The following TUSC3 variants were observed in gnomAD, a reference collection of about 807,000 sequenced individuals.
TUSC3 encodes tumor suppressor candidate 3.
In TUSC3, 45 loss-of-function variants were observed where a neutral mutation model predicts 44.8. The observed-to-expected ratio is 1.00, with a 90% CI of 0.79 to 1.29. The LOEUF (loss-of-function observed/expected upper bound fraction) is 1.29, where lower values mean the gene tolerates loss of function less well. Among genes scored for constraint, TUSC3 ranks in the 50% most tolerant of loss-of-function variants. The pLI, the probability that TUSC3 is intolerant of heterozygous loss-of-function variation, is 0.00. For missense variants in TUSC3, 519 were observed against 437.9 expected, an observed-to-expected ratio of 1.19 and a Z score of -1.65; for synonymous variants, 212 against 152.9, an observed-to-expected ratio of 1.39 and a Z score of -2.85.
intron 1 of TUSC3, among the ~76,000 whole-genome samples, chr8:15,549,262 C>G (rs1397061759): frequency 6.6e-6 from 1 of 151,738 alleles, no homozygotes; most frequent in Non-Finnish European, 1.5e-5. Context: ...CAACCCCTGC[C>G]TCCCGGATTC....
intron 9 of TUSC3, among the ~76,000 whole-genome samples, chr8:15,749,927 A>C (rs1379099934): frequency 6.7e-6 from 1 of 149,048 alleles, no homozygotes; most frequent in East Asian, 2.0e-4. Flanking sequence ...GTTTCAAAGG[A>C]AATGTTGTAT....
At chr8:15,561,945 A>T (rs144275379) in intron 1 of TUSC3, among the ~76,000 whole-genome samples, 4,112 of 152,280 alleles carry the variant, frequency 0.027, 172 homozygotes, top group African/African-American at 0.081. Flanking sequence ...TCAGATGGAA[A>T]TGCAGAAATC....
chr8:15,806,671 A>T, the TUSC3 span: 6 of 1,030,516 alleles, frequency 5.8e-6, no homozygotes, highest in East Asian at 1.4e-4. Context: ...GCCCAGTAGG[A>T]CCTTTCCCAT....
rs548997228 is a variant in TUSC3, at chr8:15,725,007, G to A, written c.799-5659G>A. Among the ~76,000 whole-genome samples, 4 of 152,158 alleles carry A rather than the reference G, an allele frequency of 2.6e-5. No homozygotes were observed. In the East Asian group the frequency reaches 5.8e-4, roughly 22 times the overall value. On this transcript the variant is annotated intron_variant, in intron 6 of 10. Coordinates refer to ENST00000503731, the MANE Select transcript of TUSC3 (RefSeq NM_006765.4). The stretch of plus-strand genomic sequence containing the variant: ...CCCAAACTGAGACAAATCATCATTT[G>A]GGTATCATCCAACACTGTCAAATCT...
At chr8:15,555,266 T>C (rs1409354718) in intron 1 of TUSC3, among the ~76,000 whole-genome samples, 2 of 129,644 alleles carry the variant, frequency 1.5e-5, no homozygotes, top group East Asian at 5.0e-4. Flanking sequence ...TGTGCCACCA[T>C]GCCAGGCTAA....
intron 1 of TUSC3, 33 bp downstream of exon 1, chr8:15,540,601 G>A: frequency 6.6e-7 from 1 of 1,518,454 alleles, no homozygotes; most frequent in East Asian, 2.7e-5. Flanking sequence ...TCCCCTGTGG[G>A]CGGGGGCGGG....
chr8:15,532,100 TC>T (rs1801458669), intron 2 of TUSC3, among the ~76,000 whole-genome samples: 1 of 152,204 alleles, frequency 6.6e-6, no homozygotes, highest in Non-Finnish European at 1.5e-5. Flanking sequence ...AAGTTTTTTT[TC>T]TTTTCCTTGC....
chr8:15,597,097 G>T (rs574585541), intron 1 of TUSC3, among the ~76,000 whole-genome samples: 1 of 152,198 alleles, frequency 6.6e-6, no homozygotes, highest in South Asian at 2.1e-4. Flanking sequence ...GAAGAGGTCA[G>T]AGATACAGTG....
At chr8:15,630,031 A>T (rs972844365) in intron 2 of TUSC3, among the ~76,000 whole-genome samples, 6 of 152,016 alleles carry the variant, frequency 3.9e-5, no homozygotes, top group African/African-American at 1.4e-4. Context: ...TTTAAATCAA[A>T]TTATACTGTG....
intron 1 of TUSC3, among the ~76,000 whole-genome samples, chr8:15,597,248 C>G (rs1346446894): frequency 6.6e-6 from 1 of 152,072 alleles, no homozygotes; most frequent in African/African-American, 2.4e-5. Flanking sequence ...AACTCAGGAT[C>G]TGTCTACACT....
chr8:15,527,920 G>C (rs1426538011), intron 2 of TUSC3, among the ~76,000 whole-genome samples: 2 of 151,992 alleles, frequency 1.3e-5, no homozygotes, highest in Non-Finnish European at 2.9e-5. Flanking sequence ...TTTTCTTTTA[G>C]TAATAAAACC....
chr8:15,697,426 A>C lies in TUSC3; in HGVS notation c.798+23590A>C, dbSNP rs1809216108. ...TTGATGTAGGCATTTAGGGCTATGA[A>C]CTTTCCTCCTTGCACAGCCTTTGCT... On this transcript the variant is annotated intron_variant, in intron 6 of 10. Transcript: ENST00000503731. Among the ~76,000 whole-genome samples the C allele has an allele frequency of 2.0e-5, 3 of 152,240 alleles. No individual in the cohort carries two copies. The South Asian group carries it at 6.2e-4, about 32-fold the overall frequency.
the TUSC3 span, among the ~76,000 whole-genome samples, chr8:15,833,800 C>T: frequency 6.6e-6 from 1 of 150,946 alleles, no homozygotes; most frequent in South Asian, 2.1e-4. Context: ...TACAAGTTTA[C>T]CTATATAACA....
At chr8:15,572,772 A>G (rs1802926381) in intron 1 of TUSC3, among the ~76,000 whole-genome samples, 1 of 152,140 alleles carries the variant, frequency 6.6e-6, no homozygotes, top group South Asian at 2.1e-4. Flanking sequence ...GGCAATAGGA[A>G]CGTGTGAGAA....
chr8:15,523,700 G>GTATATATATA (rs1373439598), intron 2 of TUSC3, among the ~76,000 whole-genome samples: 1 of 103,270 alleles, frequency 9.7e-6, no homozygotes, highest in African/African-American at 4.3e-5. Flanking sequence ...GTGTGTGTGT[G>GTATATATATA]TGTGTGTGTA....
At chr8:15,498,063 T>C (rs541470065) in intron 2 of TUSC3, among the ~76,000 whole-genome samples, 1 of 152,180 alleles carries the variant, frequency 6.6e-6, no homozygotes, top group Non-Finnish European at 1.5e-5. Flanking sequence ...TTTTTGTTTT[T>C]TAAGATGGAA....
Position 15,645,779 on chromosome 8 carries a change from A to G in TUSC3, c.309-4918A>G, listed in dbSNP as rs143383671. On this transcript the variant is annotated intron_variant, in intron 2 of 10. Transcript: ENST00000503731. The stretch of plus-strand genomic sequence containing the variant: ...CTTTGACAAACAGCATATGTTTGTG[A>G]TAGTACACAGATGTAAAATTTCATT... 4.5e-4 allele frequency among the ~76,000 whole-genome samples: 68 copies of G among 152,190 alleles called. 1 individual carries two copies. Among genetic ancestry groups the G allele is most frequent in the African/African-American group, 1.6e-3 (66 of 41,556 alleles).
At chr8:15,510,566 T>A (rs1234027295) in intron 2 of TUSC3, among the ~76,000 whole-genome samples, 1 of 152,070 alleles carries the variant, frequency 6.6e-6, no homozygotes, top group East Asian at 1.9e-4. Flanking sequence ...ACACTATATA[T>A]ATTTTTTTAA....
At chr8:15,787,810 G>C in the TUSC3 span, among the ~76,000 whole-genome samples, 8 of 152,138 alleles carry the variant, frequency 5.3e-5, no homozygotes, top group African/African-American at 1.9e-4. Context: ...GACCGTTCAC[G>C]TAATTTCTTC....
Sources: allele counts gnomAD v4.1 joint callset (sites outside exome capture counted in the v4.1 genomes callset), GRCh38; gene constraint gnomAD v4.1.1; transcripts MANE v1.5; gene names NCBI Gene and HGNC (gene_info 2026-07-23, HGNC 2026-07-21).